NELFB: variants seen among roughly 807,000 people sequenced by gnomAD.
NELFB encodes the protein negative elongation factor complex member B.
In NELFB, 34 loss-of-function variants were observed where a neutral mutation model predicts 60.2. The observed-to-expected ratio is 0.56, with a 90% CI of 0.43 to 0.75. The LOEUF is 0.75. Ranked by LOEUF, NELFB falls within the 30% of genes least tolerant of loss-of-function variation. The pLI, the probability that NELFB is intolerant of heterozygous loss-of-function variation, is 0.00. For synonymous variants in NELFB, 459 were observed against 382.1 expected (o/e 1.20, Z -2.35); for missense variants, 770 against 831.6 (o/e 0.93, Z 0.91).
intron 4 of NELFB, 57 bp from the exon 5 acceptor site, chr9:137,262,980 C>G: frequency 6.3e-6 from 10 of 1,579,010 alleles, no homozygotes; most frequent in Non-Finnish European, 8.7e-6. Flanking sequence ...GCGTGACGTC[C>G]CTGTGTCTGG....
At chr9:137,261,377 G>C (rs1222110164) in intron 4 of NELFB, among the ~76,000 whole-genome samples, 1 of 150,064 alleles carries the variant, frequency 6.7e-6, no homozygotes, top group Non-Finnish European at 1.5e-5. Context: ...AAAAAAACTG[G>C]GTCAGGTGTG....
At chr9:137,260,405 A>ATTTTT (rs1554791011) in intron 4 of NELFB, among the ~76,000 whole-genome samples, 1 of 141,720 alleles carries the variant, frequency 7.1e-6, no homozygotes, top group African/African-American at 2.6e-5. Context: ...AATTTTTTTT[A>ATTTTT]TTTATTTTAT....
At chr9:137,271,192 C>T (rs1420892913) in intron 10 of NELFB, among the ~76,000 whole-genome samples, 1 of 152,274 alleles carries the variant, frequency 6.6e-6, no homozygotes, top group Non-Finnish European at 1.5e-5. Context: ...GTGCCTGCCA[C>T]GTGTCCCGTG....
intron 4 of NELFB, among the ~76,000 whole-genome samples, chr9:137,260,396 A>T (rs1431542958): frequency 1.2e-4 from 12 of 98,424 alleles, no homozygotes; most frequent in Non-Finnish European, 1.8e-4. Context: ...ATTTTTTAAA[A>T]TTTTTTTTAT....
intron 4 of NELFB, 52 bp downstream of exon 4, chr9:137,257,106 C>A: frequency 6.7e-7 from 1 of 1,499,054 alleles, no homozygotes; most frequent in African/African-American, 1.4e-5. Flanking sequence ...GATGCCACGG[C>A]TAGCGCCTTC....
At chr9:137,266,253 G>A in intron 7 of NELFB, 78 bp from the exon 8 acceptor site, 2 of 1,279,792 alleles carry the variant, frequency 1.6e-6, no homozygotes, top group Admixed American at 2.2e-5. Flanking sequence ...ATCCTGCTGA[G>A]TAACGAGTAG....
chr9:137,261,997 A>AG (rs1479476805), intron 4 of NELFB, among the ~76,000 whole-genome samples: 3 of 126,634 alleles, frequency 2.4e-5, no homozygotes, highest in South Asian at 2.7e-4. Flanking sequence ...GAGAGAGAGG[A>AG]GAGAGAGAAA....
chr9:137,260,920 C>T (rs974215674), intron 4 of NELFB, among the ~76,000 whole-genome samples: 49 of 149,458 alleles, frequency 3.3e-4, no homozygotes, highest in African/African-American at 1.2e-3. Flanking sequence ...TTAACCAGAC[C>T]TGGTGGTGTG....
chr9:137,264,172 C>G (rs1280139726), intron 5 of NELFB, 73 bp from the exon 6 acceptor site: 5 of 1,150,876 alleles, frequency 4.3e-6, no homozygotes, highest in Non-Finnish European at 6.3e-6. Flanking sequence ...GGGCCTGGAG[C>G]TGTGTTTGGG....
At chr9:137,258,439 T>C (rs1028424653) in intron 4 of NELFB, among the ~76,000 whole-genome samples, 4 of 151,580 alleles carry the variant, frequency 2.6e-5, no homozygotes, top group Non-Finnish European at 4.4e-5. Flanking sequence ...TGAGATTTTT[T>C]AATTAGCCAA....
At chr9:137,264,830 C>A (rs563209423) in intron 6 of NELFB, among the ~76,000 whole-genome samples, 1 of 152,096 alleles carries the variant, frequency 6.6e-6, no homozygotes, top group African/African-American at 2.4e-5. Context: ...ACATGGTTGT[C>A]GGGATGTGTG....
At position 137,266,602 on chromosome 9, in the gene NELFB, G is replaced by A. The variant is rs79152053; in HGVS notation, c.1239+176G>A. On this transcript the variant is annotated intron_variant, in intron 8 of 12. Transcript: ENST00000343053. ...ATGCCCACCAGGGAGGTTCTGGGGT[G>A]TCTCCGTGGACCCTGGCTGGTTCTG... Among the ~76,000 whole-genome samples, 194 of 152,228 alleles carry A rather than the reference G, an allele frequency of 1.3e-3. 1 individual carries two copies. The East Asian group carries it at 0.017, about 13-fold the overall frequency.
chr9:137,272,478 C>T (rs778082844), intron 11 of NELFB, 29 bp from the exon 12 acceptor site: 1 of 1,595,070 alleles, frequency 6.3e-7, no homozygotes, highest in East Asian at 2.2e-5. Context: ...GGCCTGCCTC[C>T]TGCCCCAGCC....
intron 10 of NELFB, among the ~76,000 whole-genome samples, chr9:137,270,181 G>A (rs902950190): frequency 2.0e-5 from 3 of 150,236 alleles, no homozygotes; most frequent in South Asian, 2.1e-4. Context: ...AGAAGGATGC[G>A]TTTACAGGAG....
rs1830559698 is a variant in NELFB at position 137,269,732 on chromosome 9, T to C, written c.1490-2349T>C. Among the ~76,000 whole-genome samples, 1 of 152,232 alleles carries C rather than the reference T, an allele frequency of 6.6e-6. No homozygotes were observed. Among genetic ancestry groups the C allele is most frequent in the Non-Finnish European group, 1.5e-5 (1 of 68,042 alleles). On this transcript the variant is annotated intron_variant, in intron 10 of 12. Coordinates refer to ENST00000343053, the MANE Select transcript of NELFB (RefSeq NM_015456.5). This position sits in a 1 kb window ranked among gnomAD's most constrained non-coding sequence, Gnocchi z 5.3. The stretch of plus-strand genomic sequence containing the variant: ...CCTTCTGGATTTGTGTCAGTCACTG[T>C]GGAGTTCGCACAATGACAGACTCAC...
In NELFB at chr9:137,273,026, C is replaced by T; in HGVS notation, c.*98C>T. 1 of 1,311,080 alleles carries T rather than the reference C, an allele frequency of 7.6e-7. No individual in the cohort carries two copies. Among genetic ancestry groups the T allele is most frequent in the South Asian group, 1.6e-5 (1 of 63,888 alleles). The allele number at this position is 1,311,080 out of a possible 1,614,324, so 81.2% of individuals were successfully genotyped here. On this transcript the variant is annotated 3_prime_UTR_variant, in exon 13 of 13. Transcript: ENST00000343053. ...GACCTGGATGTACAGGGCAGTCTCT[C>T]TTCCCGGGGCTATGGCTGGGCCTGT...
intron 4 of NELFB, among the ~76,000 whole-genome samples, chr9:137,260,816 T>G (rs1370201868): frequency 6.6e-6 from 1 of 151,924 alleles, no homozygotes; most frequent in Non-Finnish European, 1.5e-5. Context: ...ATCCCAGCAC[T>G]TTGGGAGGCA....
chr9:137,261,811 C>G (rs919609503), intron 4 of NELFB, among the ~76,000 whole-genome samples: 1 of 152,036 alleles, frequency 6.6e-6, no homozygotes, highest in Non-Finnish European at 1.5e-5. Context: ...CCATTACCAC[C>G]AAGACGCGGA....
At chr9:137,255,678 C>T (rs1837539270) in intron 1 of NELFB, 67 bp downstream of exon 1, 1 of 1,481,744 alleles carries the variant, frequency 6.7e-7, no homozygotes, top group Admixed American at 2.4e-5. Context: ...GGAGTCGGGC[C>T]TGGCGGAGGC....
Sources: allele counts gnomAD v4.1 joint callset (sites outside exome capture counted in the v4.1 genomes callset), GRCh38; gene constraint gnomAD v4.1.1; non-coding constraint Gnocchi (gnomAD v3.1); transcripts MANE v1.5; gene names NCBI Gene and HGNC (gene_info 2026-07-23, HGNC 2026-07-21).